Variants in CYP11A1 observed in about 807,000 individuals in gnomAD.
CYP11A1 encodes the protein cholesterol side-chain cleavage enzyme, mitochondrial.
CYP11A1 carries 25 observed loss-of-function variants against 51.9 expected under a neutral mutation model. The observed-to-expected ratio is 0.48, with a 90% CI of 0.35 to 0.67. The LOEUF is 0.67. Among genes scored for constraint, CYP11A1 ranks in the 30% least tolerant of loss-of-function variants. CYP11A1 has a pLI of 0.00. For missense variants in CYP11A1, 578 were observed against 680.9 expected, an observed-to-expected ratio of 0.85 and a Z score of 1.68; for synonymous variants, 245 against 262.1, an observed-to-expected ratio of 0.93 and a Z score of 0.63.
chr15:74,366,056 G>A (rs992035881), intron 1 of CYP11A1: 12 of 985,560 alleles, frequency 1.2e-5, no homozygotes, highest in Non-Finnish European at 1.3e-5. Context: ...GACCCGGGGG[G>A]CGGATGGGCT....
intron 6 of CYP11A1, 99 bp downstream of exon 6, chr15:74,339,488 C>G: frequency 1.3e-6 from 2 of 1,527,556 alleles, no homozygotes. Context: ...TGCTTCCAAC[C>G]TCCTCCACCA....
chr15:74,356,732 T>C (rs2060681809), intron 1 of CYP11A1, among the ~76,000 whole-genome samples: 1 of 152,210 alleles, frequency 6.6e-6, no homozygotes, highest in Admixed American at 6.5e-5. Context: ...TGACTATTCC[T>C]GGGCTACAGC....
In CYP11A1 at chr15:74,344,103, C is replaced by G. The variant is rs940016561; in HGVS notation, c.626-111G>C. The G allele has an allele frequency of 2.3e-5, 20 of 855,558 alleles. No homozygotes were observed. The African/African-American group carries it at 3.0e-4, about 13-fold the overall frequency. 53.0% of individuals were successfully genotyped at this position (855,558 alleles called of 1,614,324 possible). The stretch of plus-strand genomic sequence containing the variant: ...TCCCTCAGCACAAAGGATCTCTTGC[C>G]CCTACCCTCAGCCTCCTTCAGTAAA... On this transcript the variant is annotated intron_variant, in intron 3 of 8. Coordinates refer to ENST00000268053, the MANE Select transcript of CYP11A1 (RefSeq NM_000781.3).
intron 8 of CYP11A1, 196 bp downstream of exon 8, chr15:74,338,375 G>A (rs1053615409): frequency 2.2e-5 from 16 of 724,816 alleles, no homozygotes; most frequent in Non-Finnish European, 3.6e-5. Context: ...AGGGGCATCA[G>A]TGGGTGATGA....
Position 74,355,467 on chromosome 15 carries a change from C to G in CYP11A1, c.270-7412G>C, listed in dbSNP as rs144020680. On this transcript the variant is annotated intron_variant, in intron 1 of 8. Coordinates refer to ENST00000268053, the MANE Select transcript of CYP11A1 (RefSeq NM_000781.3). The stretch of plus-strand genomic sequence containing the variant: ...TCCCAAATCTTCTTTTCCCTCCCAC[C>G]TGTCCCTTCAGTCCCAACCCCAAGT... Among the ~76,000 whole-genome samples, 875 of 152,260 alleles carry G rather than the reference C, an allele frequency of 5.7e-3. 11 individuals are homozygous for G. The highest frequency in any genetic ancestry group is 7.8e-3 in the Non-Finnish European group (530 of 68,030).
chr15:74,339,746 A>T lies in CYP11A1; in HGVS notation c.998T>A (p.Met333Lys), dbSNP rs1046646548. 6.2e-7 allele frequency: 1 copy of T among 1,614,134 alleles called. No individual in the cohort carries two copies. Among genetic ancestry groups the T allele is most frequent in the South Asian group, 1.1e-5 (1 of 91,086 alleles). Residue 333 changes from methionine to lysine, a missense_variant, in exon 6 of 9, where the codon ATG (methionine) becomes AAG (lysine). Met to Lys is a moderately conservative substitution (Grantham distance 95). Coordinates refer to ENST00000268053, the MANE Select transcript of CYP11A1 (RefSeq NM_000781.3). ...CTCATACAAGTGCCACTGCAGGGTCATGGACGTCTGGTGGGGAGTAGGGTA... is the reference window on the plus strand; with the variant it reads ...CTCATACAAGTGCCACTGCAGGGTCTTGGACGTCTGGTGGGGAGTAGGGTA... ...MLAGGVDTTSMTLQWHLYEMA... is the reference protein window; with the variant it reads ...MLAGGVDTTSKTLQWHLYEMA...
rs746124429 is a variant in CYP11A1 at position 74,343,116 on chromosome 15, A to G, written c.851T>C (p.Phe284Ser). The G allele has an allele frequency of 6.2e-7, 1 of 1,613,792 alleles. No individual in the cohort carries two copies. Among genetic ancestry groups the G allele is most frequent in the Non-Finnish European group, 8.5e-7 (1 of 1,179,996 alleles). The stretch of plus-strand genomic sequence containing the variant: ...TCCTTTCTGTCTCAATTCCCAGTAG[A>G]AGTTCTGGGTGTATATGTCAGCTGT... ...FSKADIYTQN[F>S]YWELRQKGSV... Residue 284 changes from phenylalanine (F) to serine (S), a missense_variant, in exon 5 of 9, where the codon TTC becomes TCC. Phe to Ser is a radical substitution (Grantham distance 155). Transcript: ENST00000268053.
intron 1 of CYP11A1, among the ~76,000 whole-genome samples, chr15:74,349,827 C>T (rs2060647772): frequency 6.6e-6 from 1 of 152,072 alleles, no homozygotes; most frequent in South Asian, 2.1e-4. Flanking sequence ...CACCTGTAAT[C>T]CCAGTACTTT....
chr15:74,339,188 C>G (rs1401570853), intron 7 of CYP11A1, 49 bp downstream of exon 7: 2 of 1,513,724 alleles, frequency 1.3e-6, no homozygotes, highest in Non-Finnish European at 1.8e-6. Context: ...TCCAGCCTGC[C>G]CCAGCCCTCT....
chr15:74,345,113 T>A lies in CYP11A1; in HGVS notation c.556A>T (p.Ile186Phe). ...RDFVSVLHRR[I>F]KKAGSGNYSG... ...TAATTTCCGGAGCCCGCCTTCTTGA[T>A]GCGCCTGTGCAGGACACTGACGAAG... The change falls in exon 3 of 9, where the codon ATC becomes TTC. Residue 186 changes from isoleucine (I) to phenylalanine (F), a missense_variant. Physicochemically the swap from Ile to Phe is conservative, Grantham distance 21. Transcript: ENST00000268053. This position sits in a 1 kb window ranked among gnomAD's most constrained non-coding sequence, Gnocchi z 4.3. 1 of 1,614,158 alleles carries A rather than the reference T, an allele frequency of 6.2e-7. No individual in the cohort carries two copies. The highest frequency in any genetic ancestry group is 8.5e-7 in the Non-Finnish European group (1 of 1,180,014).
intron 2 of CYP11A1, 97 bp downstream of exon 2, chr15:74,347,803 G>A: frequency 7.4e-7 from 1 of 1,356,954 alleles, no homozygotes; most frequent in Non-Finnish European, 1.0e-6. Context: ...AGGAGGCACA[G>A]GGCAAGCCTG....
At chr15:74,351,257 G>C (rs1245865838) in intron 1 of CYP11A1, among the ~76,000 whole-genome samples, 1 of 152,186 alleles carries the variant, frequency 6.6e-6, no homozygotes, top group Non-Finnish European at 1.5e-5. Flanking sequence ...GGGGTCACCA[G>C]TACTGCCTGA....
chr15:74,351,049 A>T (rs2060654078), intron 1 of CYP11A1: 1 of 152,158 alleles, frequency 6.6e-6, no homozygotes, highest in Non-Finnish European at 1.5e-5. Flanking sequence ...GGCCCCACCT[A>T]AACACGGAGA....
At chr15:74,361,636 T>A in intron 1 of CYP11A1, 1 of 1,195,970 alleles carries the variant, frequency 8.4e-7, no homozygotes. Context: ...GCAGACAAGA[T>A]TCCAAAAACA....
chr15:74,354,560 CA>C (rs1338592527), intron 1 of CYP11A1: 1 of 154,184 alleles, frequency 6.5e-6, no homozygotes, highest in Non-Finnish European at 1.4e-5. Context: ...TGACTCGGAT[CA>C]GGGGACCTCC....
chr15:74,361,986 G>A lies in CYP11A1; in HGVS notation c.269+5331C>T. 2.8e-6 allele frequency: 4 copies of A among 1,403,982 alleles called. No individual in the cohort carries two copies. In the South Asian group the frequency reaches 3.5e-5, roughly 12 times the overall value. 87.0% of individuals were successfully genotyped at this position (1,403,982 alleles called of 1,614,324 possible). On this transcript the variant is annotated intron_variant, in intron 1 of 8. Coordinates refer to ENST00000268053, the MANE Select transcript of CYP11A1 (RefSeq NM_000781.3). ...ATTGTGGAGGCCACGGAGCGCTTTG[G>A]GTCCAGGAATGGCAAGACCAGGAAG...
intron 5 of CYP11A1, among the ~76,000 whole-genome samples, chr15:74,341,266 C>T (rs1044298600): frequency 6.6e-6 from 1 of 152,154 alleles, no homozygotes; most frequent in Non-Finnish European, 1.5e-5. Flanking sequence ...TCACAGTAAT[C>T]GTTTCTTTGG....
rs536323741 is a variant in CYP11A1, at chr15:74,339,418, G to C, written c.1158-103C>G. 1,646 of 1,383,340 alleles carry C rather than the reference G, an allele frequency of 1.2e-3. 5 individuals are homozygous for C. The highest frequency in any genetic ancestry group is 1.2e-3 in the Non-Finnish European group (1,173 of 975,576). The allele number at this position is 1,383,340 out of a possible 1,614,324, so 85.7% of individuals were successfully genotyped here. A position where few individuals can be genotyped will look rare whatever the true frequency, so the allele number is the denominator to read the frequency against. Reference sequence around the variant, plus strand: ...ATCTCAGCCCTAGCTGCAGCAGCCTGGGGGGACCTGGGGGTAGGGCCCTGG... The same window carrying C: ...ATCTCAGCCCTAGCTGCAGCAGCCTCGGGGGACCTGGGGGTAGGGCCCTGG... On this transcript the variant is annotated intron_variant, in intron 6 of 8. Transcript: ENST00000268053.
At chr15:74,347,862 A>T in intron 2 of CYP11A1, 38 bp downstream of exon 2, 1 of 1,610,130 alleles carries the variant, frequency 6.2e-7, no homozygotes, top group Non-Finnish European at 8.5e-7. Flanking sequence ...GCTCCCCACC[A>T]CCTCCCTCCA....
Sources: allele counts gnomAD v4.1 joint callset (sites outside exome capture counted in the v4.1 genomes callset), GRCh38; gene constraint gnomAD v4.1.1; non-coding constraint Gnocchi (gnomAD v3.1); transcripts MANE v1.5; gene names NCBI Gene and HGNC (gene_info 2026-07-23, HGNC 2026-07-21).